ZFYVE28: variants seen among roughly 807,000 people sequenced by gnomAD.
The protein encoded by ZFYVE28 is lateral signaling target protein 2 homolog.
A neutral mutation model predicts 82.1 loss-of-function variants in ZFYVE28; 40 were observed. The observed-to-expected ratio is 0.49, with a 90% CI of 0.38 to 0.63. The LOEUF (loss-of-function observed/expected upper bound fraction) is 0.63. Among genes scored for constraint, ZFYVE28 ranks in the 30% least tolerant of loss-of-function variants. ZFYVE28 has a pLI of 0.00. For missense variants in ZFYVE28, 1,321 were observed against 1,242.1 expected (o/e 1.06, Z -0.96); for synonymous variants, 612 against 546.1 (o/e 1.12, Z -1.68).
chr4:2,289,431 G>A (rs1439535730), intron 8 of ZFYVE28, among the ~76,000 whole-genome samples: 2 of 152,220 alleles, frequency 1.3e-5, no homozygotes, highest in Admixed American at 1.3e-4. Flanking sequence ...CTGTAGCACA[G>A]CCTCCCCAAA....
At chr4:2,378,259 T>C (rs1335887646) in intron 1 of ZFYVE28, among the ~76,000 whole-genome samples, 7 of 152,212 alleles carry the variant, frequency 4.6e-5, no homozygotes, top group Non-Finnish European at 8.8e-5. Flanking sequence ...AAGAATTGCT[T>C]GAACCCGGGA....
rs796518355 is a variant in ZFYVE28 at position 2,338,927 on chromosome 4, C to T, written c.521+526G>A. 6.6e-5 allele frequency among the ~76,000 whole-genome samples: 10 copies of T among 152,288 alleles called. 1 individual carries two copies. Among genetic ancestry groups the T allele is most frequent in the African/African-American group, 2.2e-4 (9 of 41,576 alleles). ...GTAGCCTCTGCCTCCCGGGTTCAAGCGGTTCTCTTGCCTCAGCTTCCTGAG... is the reference window on the plus strand; with the variant it reads ...GTAGCCTCTGCCTCCCGGGTTCAAGTGGTTCTCTTGCCTCAGCTTCCTGAG... On this transcript the variant is annotated intron_variant, in intron 4 of 12. Transcript: ENST00000290974.
At chr4:2,342,069 C>T (rs755317524) in intron 2 of ZFYVE28, among the ~76,000 whole-genome samples, 4 of 152,208 alleles carry the variant, frequency 2.6e-5, no homozygotes, top group Non-Finnish European at 1.5e-5. Flanking sequence ...CTGCAAAGCC[C>T]TCGTCTTCCC....
At chr4:2,321,410 A>T (rs2108838542) in intron 6 of ZFYVE28, among the ~76,000 whole-genome samples, 1 of 152,256 alleles carries the variant, frequency 6.6e-6, no homozygotes, top group Non-Finnish European at 1.5e-5. Flanking sequence ...TGCAAAAAGA[A>T]GATTTGAAAG....
intron 8 of ZFYVE28, among the ~76,000 whole-genome samples, chr4:2,278,518 A>C (rs910003898): frequency 1.3e-5 from 2 of 152,134 alleles, no homozygotes; most frequent in Non-Finnish European, 2.9e-5. Context: ...CATTGGAGTA[A>C]ATCTTTGTGG....
chr4:2,298,854 G>A (rs781003684), intron 8 of ZFYVE28, among the ~76,000 whole-genome samples: 1 of 152,154 alleles, frequency 6.6e-6, no homozygotes, highest in Admixed American at 6.5e-5. Context: ...AGGCCCTTGC[G>A]CTGGTTCCAG....
chr4:2,378,111 G>A (rs562513182), intron 1 of ZFYVE28, among the ~76,000 whole-genome samples: 8 of 152,340 alleles, frequency 5.3e-5, no homozygotes, highest in East Asian at 1.9e-4. Flanking sequence ...AGGCTGAAGC[G>A]GGCGGATCAT....
In ZFYVE28 at chr4:2,300,992, C is replaced by T. The variant is rs1269203216; in HGVS notation, c.2051+3297G>A. On this transcript the variant is annotated intron_variant, in intron 8 of 12. Transcript: ENST00000290974. This position sits in a 1 kb window ranked among gnomAD's most constrained non-coding sequence, Gnocchi z 4.6. ...GGAGGCGTAACCAAACACAGCCACA[C>T]CTGTGCACACGACCGGCCTCGCACA... is the stretch of plus-strand genomic sequence containing the variant. Among the ~76,000 whole-genome samples the T allele has an allele frequency of 6.6e-6, 1 of 152,182 alleles. No individual in the cohort carries two copies. Among genetic ancestry groups the T allele is most frequent in the African/African-American group, 2.4e-5 (1 of 41,446 alleles).
At chr4:2,346,164 TAAAAAA>T (rs34720466) in intron 2 of ZFYVE28, among the ~76,000 whole-genome samples, 1 of 126,490 alleles carries the variant, frequency 7.9e-6, no homozygotes, top group Admixed American at 8.0e-5. Context: ...CCGTCTCTAC[TAAAAAA>T]AAAAAAAAAA....
At chr4:2,380,950 G>C (rs1160129469) in intron 1 of ZFYVE28, among the ~76,000 whole-genome samples, 1 of 152,166 alleles carries the variant, frequency 6.6e-6, no homozygotes, top group African/African-American at 2.4e-5. Flanking sequence ...GTACAGTGGG[G>C]TATTGCTGAA....
chr4:2,301,215 C>T (rs915229662), intron 8 of ZFYVE28, among the ~76,000 whole-genome samples: 1 of 152,158 alleles, frequency 6.6e-6, no homozygotes, highest in Non-Finnish European at 1.5e-5. Flanking sequence ...CGGTGCTTGG[C>T]CCAGCCACCC....
intron 1 of ZFYVE28, among the ~76,000 whole-genome samples, chr4:2,381,485 C>A (rs537073589): frequency 6.6e-6 from 1 of 152,304 alleles, no homozygotes; most frequent in South Asian, 2.1e-4. Context: ...TGGCTGACTG[C>A]AACCTCTGCT....
intron 6 of ZFYVE28, among the ~76,000 whole-genome samples, chr4:2,331,417 A>G (rs1240094444): frequency 1.3e-5 from 2 of 152,176 alleles, no homozygotes; most frequent in East Asian, 3.9e-4. Flanking sequence ...CAAGGCAGGC[A>G]GATTGCTAGA....
Position 2,418,203 on chromosome 4 carries a change from C to A in ZFYVE28, c.39+82G>T. The A allele has an allele frequency of 7.4e-7, 1 of 1,356,960 alleles. No individual in the cohort carries two copies. The highest frequency in any genetic ancestry group is 9.9e-7 in the Non-Finnish European group (1 of 1,012,886). The allele number at this position is 1,356,960 out of a possible 1,614,324, so 84.1% of individuals were successfully genotyped here. A position where few individuals can be genotyped will look rare whatever the true frequency, so the allele number is the denominator to read the frequency against. Reference sequence around the variant, plus strand: ...CGGCCACGGACAGGGAAAGGGAGTCCGTCTTGTAGGGCGGACGGGCGGTCC... The same window carrying A: ...CGGCCACGGACAGGGAAAGGGAGTCAGTCTTGTAGGGCGGACGGGCGGTCC... On this transcript the variant is annotated intron_variant, in intron 1 of 12. Transcript: ENST00000290974. The surrounding 1 kb of genome is among the most constrained non-coding windows in gnomAD (Gnocchi z 4.6).
intron 10 of ZFYVE28, among the ~76,000 whole-genome samples, chr4:2,272,517 CAT>C (rs759297830): frequency 7.2e-5 from 11 of 152,310 alleles, no homozygotes; most frequent in South Asian, 6.2e-4. Context: ...CGTATGTGCA[CAT>C]GTGTGCATGT....
At chr4:2,319,594 G>A (rs1446845999) in intron 7 of ZFYVE28, among the ~76,000 whole-genome samples, 1 of 152,198 alleles carries the variant, frequency 6.6e-6, no homozygotes, top group East Asian at 1.9e-4. Context: ...ATGTGCCATG[G>A]GCTTCACGTG....
chr4:2,305,668 A>G, intron 7 of ZFYVE28, 132 bp from the exon 8 acceptor site: 3 of 1,097,448 alleles, frequency 2.7e-6, no homozygotes, highest in Non-Finnish European at 3.9e-6. Context: ...TTGCAACTGA[A>G]TTCTCAAGGC....
Position 2,417,911 on chromosome 4 carries a change from T to G in ZFYVE28, c.39+374A>C. Among the ~76,000 whole-genome samples the G allele has an allele frequency of 6.8e-6, 1 of 147,350 alleles. No homozygotes were observed. Among genetic ancestry groups the G allele is most frequent in the East Asian group, 2.0e-4 (1 of 4,900 alleles). ...GGGGAGACGGAGAAGTAGTAGGGGG[T>G]CTGCTCCGGGCCCGCGGGCTGGGGA... On this transcript the variant is annotated intron_variant, in intron 1 of 12. Transcript: ENST00000290974. This position sits in a 1 kb window ranked among gnomAD's most constrained non-coding sequence, Gnocchi z 4.8.
At chr4:2,383,868 CTCTCCAGGAGCCA>C (rs1173901338) in intron 1 of ZFYVE28, among the ~76,000 whole-genome samples, 1 of 152,176 alleles carries the variant, frequency 6.6e-6, no homozygotes, top group South Asian at 2.1e-4. Flanking sequence ...CAGACACTCG[CTCTCCAGGAGCCA>C]TCTCCAGGAG....
Sources: gnomAD v4.1 joint callset for allele counts (sites outside exome capture counted in the v4.1 genomes callset) on GRCh38, gnomAD v4.1.1 for gene constraint, Gnocchi (gnomAD v3.1) non-coding constraint, MANE v1.5 for transcripts, NCBI Gene and HGNC (gene_info 2026-07-23, HGNC 2026-07-21) for gene names.